The following TGFB1I1 variants were observed in gnomAD, a reference collection of about 807,000 sequenced individuals.
TGFB1I1 encodes the protein transforming growth factor beta-1-induced transcript 1 protein.
Under a neutral mutation model 52.0 loss-of-function variants are expected in TGFB1I1, and 33 were observed. The observed-to-expected ratio is 0.63, with a 90% CI of 0.48 to 0.85. TGFB1I1 has a LOEUF of 0.85. TGFB1I1 is among the 40% of genes least tolerant of loss of function. The pLI, the probability that TGFB1I1 is intolerant of heterozygous loss-of-function variation, is 0.00. For synonymous variants in TGFB1I1, 236 were observed against 253.3 expected, an observed-to-expected ratio of 0.93 and a Z score of 0.65; for missense variants, 577 against 614.9, an observed-to-expected ratio of 0.94 and a Z score of 0.65.
chr16:31,476,661 C>T lies in TGFB1I1; in HGVS notation c.970+99C>T. ...CGGAGTCCTCAGGGCCATGGTTTTC[C>T]TTCTGCTCTCTTCTGGCCCTGCCCT... is the stretch of plus-strand genomic sequence containing the variant. On this transcript the variant is annotated intron_variant, in intron 9 of 10. Coordinates refer to ENST00000394863, the MANE Select transcript of TGFB1I1 (RefSeq NM_001042454.3). The surrounding 1 kb of genome is among the most constrained non-coding windows in gnomAD (Gnocchi z 7.6). The T allele has an allele frequency of 1.4e-6, 2 of 1,443,178 alleles. No individual in the cohort carries two copies. The highest frequency in any genetic ancestry group is 2.0e-5 in the Admixed American group (1 of 49,844). The allele number at this position is 1,443,178 out of a possible 1,614,324, so 89.4% of individuals were successfully genotyped here.
rs1187361623 is a variant in TGFB1I1 at position 31,477,241 on chromosome 16, C to A, written c.1120-69C>A. ...CTGCGGGGTCCCAGGGCGTTATCCG[C>A]TAGTAACGCGCGTTGTCTGGCAGTG... On this transcript the variant is annotated intron_variant, in intron 10 of 10. Coordinates refer to ENST00000394863, the MANE Select transcript of TGFB1I1 (RefSeq NM_001042454.3). This position sits in a 1 kb window ranked among gnomAD's most constrained non-coding sequence, Gnocchi z 4.7. 6.5e-7 allele frequency: 1 copy of A among 1,545,366 alleles called. No individual in the cohort carries two copies. Among genetic ancestry groups the A allele is most frequent in the East Asian group, 2.3e-5 (1 of 43,934 alleles).
At chr16:31,473,270 T>A in intron 1 of TGFB1I1, 171 bp from the exon 2 acceptor site, 1 of 1,418,852 alleles carries the variant, frequency 7.0e-7, no homozygotes, top group South Asian at 1.5e-5. Context: ...TGGGATATTC[T>A]GGTCATAAAT....
chr16:31,476,018 A>T lies in TGFB1I1; in HGVS notation c.721A>T (p.Thr241Ser). 1 of 1,611,698 alleles carries T rather than the reference A, an allele frequency of 6.2e-7. No individual in the cohort carries two copies. Among genetic ancestry groups the T allele is most frequent in the South Asian group, 1.1e-5 (1 of 91,034 alleles). The change falls in exon 8 of 11, where the codon ACG (threonine) becomes TCG (serine). Residue 241 changes from threonine to serine, a missense_variant. This residue lies in a region of TGFB1I1 where 456 missense variants were observed against 461.6 expected (regional missense o/e 0.99). Transcript: ENST00000394863. This position sits in a 1 kb window ranked among gnomAD's most constrained non-coding sequence, Gnocchi z 7.6. ...CCTCACCTCCCACTCGCAGGTGGTG[A>T]CGGCTCTGGGCCGCGCCTGGCACCC... ...CNKPIAGQVV[T>S]ALGRAWHPEH...
chr16:31,476,219 A>T lies in TGFB1I1; in HGVS notation c.888+34A>T, dbSNP rs541456002. On this transcript the variant is annotated intron_variant, in intron 8 of 10. Coordinates refer to ENST00000394863, the MANE Select transcript of TGFB1I1 (RefSeq NM_001042454.3). This position sits in a 1 kb window ranked among gnomAD's most constrained non-coding sequence, Gnocchi z 7.6. ...CGCCCGGCCGCACCGAGCCCGCCCT[A>T]TCTCACCAGGAGAGCTGTGGGACGG... The T allele has an allele frequency of 1.3e-6, 2 of 1,598,902 alleles. No homozygotes were observed. The highest frequency in any genetic ancestry group is 2.2e-5 in the South Asian group (2 of 89,826).
chr16:31,473,841 A>G lies in TGFB1I1; in HGVS notation c.189A>G (p.Val63=). ...CTCCCACTCTGCTTCCCAGCACGGTATGCAAGCCTCGGTCCCCAAAGCCTG... is the reference window on the plus strand; with the variant it reads ...CTCCCACTCTGCTTCCCAGCACGGTGTGCAAGCCTCGGTCCCCAAAGCCTG... The part of the protein sequence containing the change: ...SGDKDHLYST[V]CKPRSPKPAA... The change falls in exon 4 of 11, where the codon GTA becomes GTG. Residue 63 remains valine (V), a synonymous_variant. Transcript: ENST00000394863. 2 of 1,614,110 alleles carry G rather than the reference A, an allele frequency of 1.2e-6. No homozygotes were observed. The highest frequency in any genetic ancestry group is 1.7e-6 in the Non-Finnish European group (2 of 1,180,008).
Position 31,477,679 on chromosome 16 carries a change from A to C in TGFB1I1, c.*103A>C. ...GCTCTCAGAGCGGGAGGCCCCACCCACTGGAGAGCCCCGCCCCTAAGGTAC... is the reference window on the plus strand; with the variant it reads ...GCTCTCAGAGCGGGAGGCCCCACCCCCTGGAGAGCCCCGCCCCTAAGGTAC... On this transcript the variant is annotated 3_prime_UTR_variant, in exon 11 of 11. Transcript: ENST00000394863. This position sits in a 1 kb window ranked among gnomAD's most constrained non-coding sequence, Gnocchi z 4.7. 2 of 1,405,510 alleles carry C rather than the reference A, an allele frequency of 1.4e-6. No homozygotes were observed. The highest frequency in any genetic ancestry group is 1.9e-6 in the Non-Finnish European group (2 of 1,066,044). The allele number at this position is 1,405,510 out of a possible 1,614,324, so 87.1% of individuals were successfully genotyped here. A position where few individuals can be genotyped will look rare whatever the true frequency, so the allele number is the denominator to read the frequency against.
Position 31,477,753 on chromosome 16 carries a change from C to T in TGFB1I1, c.*177C>T. 1.3e-6 allele frequency: 1 copy of T among 781,462 alleles called. No individual in the cohort carries two copies. Among genetic ancestry groups the T allele is most frequent in the Non-Finnish European group, 2.0e-6 (1 of 509,040 alleles). 48.4% of individuals were successfully genotyped at this position (781,462 alleles called of 1,614,324 possible). A position where few individuals can be genotyped will look rare whatever the true frequency, so the allele number is the denominator to read the frequency against. On this transcript the variant is annotated 3_prime_UTR_variant, in exon 11 of 11. Coordinates refer to ENST00000394863, the MANE Select transcript of TGFB1I1 (RefSeq NM_001042454.3). The surrounding 1 kb of genome is among the most constrained non-coding windows in gnomAD (Gnocchi z 4.7). ...CAGAAACGGCCCAGCCAGACCTAAA[C>T]CCACACGCCCACAAAGTGGATTGCA...
In TGFB1I1 at chr16:31,474,838, CT is replaced by C; in HGVS notation, c.714+85del. ...TGAGAGCTGGGCTTTATGCTGTTCCCTTTTAGTAAGTTAATCTGGGAAGTGG... is the reference window on the plus strand; with the variant it reads ...TGAGAGCTGGGCTTTATGCTGTTCCCTTTAGTAAGTTAATCTGGGAAGTGG... On this transcript the variant is annotated intron_variant, in intron 7 of 10. Coordinates refer to ENST00000394863, the MANE Select transcript of TGFB1I1 (RefSeq NM_001042454.3). The surrounding 1 kb of genome is among the most constrained non-coding windows in gnomAD (Gnocchi z 4.2). The C allele has an allele frequency of 1.5e-6, 2 of 1,345,734 alleles. No individual in the cohort carries two copies. The highest frequency in any genetic ancestry group is 2.0e-6 in the Non-Finnish European group (2 of 977,986). 83.4% of individuals were successfully genotyped at this position (1,345,734 alleles called of 1,614,324 possible).
Position 31,474,335 on chromosome 16 carries a change from G to A in TGFB1I1, c.414-15G>A, listed in dbSNP as rs189828868. On this transcript the variant is annotated splice_polypyrimidine_tract_variant and intron_variant, in intron 5 of 10. Transcript: ENST00000394863. This position sits in a 1 kb window ranked among gnomAD's most constrained non-coding sequence, Gnocchi z 4.2. ...TCTGGGAGGCTCTGAGATGACACAA[G>A]CATGTTCTTCACAGCCCTTCCAGCC... is the stretch of plus-strand genomic sequence containing the variant. The A allele has an allele frequency of 6.2e-6, 10 of 1,614,062 alleles. No individual in the cohort carries two copies. In the East Asian group the frequency reaches 1.6e-4, roughly 25 times the overall value.
Position 31,473,936 on chromosome 16 carries a change from G to C in TGFB1I1, c.284G>C (p.Arg95Pro). Residue 95 changes from arginine to proline, a missense_variant, in exon 4 of 11, where the codon CGG becomes CCG. Transcript: ENST00000394863. ...GGTACCGGGCTCTGTGAGCTAGATCGGTTGCTTCAGGAACTTAATGCCACT... is the reference window on the plus strand; with the variant it reads ...GGTACCGGGCTCTGTGAGCTAGATCCGTTGCTTCAGGAACTTAATGCCACT... ...VLGTGLCELD[R>P]LLQELNATQF... The C allele has an allele frequency of 6.2e-7, 1 of 1,614,104 alleles. No individual in the cohort carries two copies. The highest frequency in any genetic ancestry group is 2.2e-5 in the East Asian group (1 of 44,886).
Position 31,473,869 on chromosome 16 carries a change from G to A in TGFB1I1, c.217G>A (p.Ala73Thr), listed in dbSNP as rs375566928. The change falls in exon 4 of 11, where the codon GCC becomes ACC. Residue 73 changes from alanine (A) to threonine (T), a missense_variant. This residue lies in a region of TGFB1I1 where 113 missense variants were observed against 123.9 expected (regional missense o/e 0.91). Transcript: ENST00000394863. The part of the protein sequence containing the change: ...VCKPRSPKPA[A>T]PAAPPFSSSS... ...CAAGCCTCGGTCCCCAAAGCCTGCA[G>A]CCCCGGCGGCCCCTCCATTCTCCTC... The A allele has an allele frequency of 5.3e-5, 85 of 1,614,010 alleles. No individual in the cohort carries two copies. Among genetic ancestry groups the A allele is most frequent in the Middle Eastern group, 1.6e-4 (1 of 6,084 alleles).
rs1409522082 is a variant in TGFB1I1, at chr16:31,477,681, T to C, written c.*105T>C. ...TCTCAGAGCGGGAGGCCCCACCCAC[T>C]GGAGAGCCCCGCCCCTAAGGTACTA... On this transcript the variant is annotated 3_prime_UTR_variant, in exon 11 of 11. Coordinates refer to ENST00000394863, the MANE Select transcript of TGFB1I1 (RefSeq NM_001042454.3). The surrounding 1 kb of genome is among the most constrained non-coding windows in gnomAD (Gnocchi z 4.7). The C allele has an allele frequency of 2.9e-6, 4 of 1,400,684 alleles. No homozygotes were observed. The Admixed American group carries it at 1.1e-4, about 37-fold the overall frequency. 86.8% of individuals were successfully genotyped at this position (1,400,684 alleles called of 1,614,324 possible). A position where few individuals can be genotyped will look rare whatever the true frequency, so the allele number is the denominator to read the frequency against.
Position 31,477,318 on chromosome 16 carries a change from C to T in TGFB1I1, c.1128C>T (p.Phe376=). The T allele has an allele frequency of 6.2e-7, 1 of 1,607,428 alleles. No individual in the cohort carries two copies. The highest frequency in any genetic ancestry group is 2.2e-5 in the East Asian group (1 of 44,728). The stretch of plus-strand genomic sequence containing the variant: ...CGGCTTCCCTTCCCCAGGAATGCTT[C>T]GCGCCCTTCTCGGGAGGCAGCTTTT... ...HPDCFVCREC[F]APFSGGSFFE... is the part of the protein sequence containing the mutation. Residue 376 remains phenylalanine (F), a synonymous_variant, in exon 11 of 11, where the codon TTC becomes TTT. Transcript: ENST00000394863. The surrounding 1 kb of genome is among the most constrained non-coding windows in gnomAD (Gnocchi z 4.7).
chr16:31,474,691 C>G lies in TGFB1I1; in HGVS notation c.648C>G (p.Ser216Arg). 6.2e-7 allele frequency: 1 copy of G among 1,613,042 alleles called. No homozygotes were observed. The highest frequency in any genetic ancestry group is 8.5e-7 in the Non-Finnish European group (1 of 1,179,758). Residue 216 changes from serine (S) to arginine (R), a missense_variant, in exon 7 of 11, where the codon AGC becomes AGG. Physicochemically the swap from Ser to Arg is moderately radical, Grantham distance 110. Around this residue, in one of 3 missense-constraint regions of TGFB1I1, gnomAD observed 456 missense variants for 461.6 expected, o/e 0.99. Coordinates refer to ENST00000394863, the MANE Select transcript of TGFB1I1 (RefSeq NM_001042454.3). This position sits in a 1 kb window ranked among gnomAD's most constrained non-coding sequence, Gnocchi z 4.2. Reference protein sequence around the residue: ...TMLGLLQSDLSRRGVPTQAKG... With the variant: ...TMLGLLQSDLRRRGVPTQAKG... ...TGGGGCTGCTGCAGTCCGACCTCAG[C>G]CGCCGGGGTGTTCCCACCCAGGCCA...
chr16:31,476,576 C>G lies in TGFB1I1; in HGVS notation c.970+14C>G, dbSNP rs1275970168. ...TCGGAGATGAGGGTGAGAGTGAACT[C>G]GACTCCCATCTTAAAAGCTGCGGGT... On this transcript the variant is annotated intron_variant, in intron 9 of 10. Transcript: ENST00000394863. The surrounding 1 kb of genome is among the most constrained non-coding windows in gnomAD (Gnocchi z 7.6). 1.2e-5 allele frequency: 20 copies of G among 1,609,734 alleles called. No homozygotes were observed. The highest frequency in any genetic ancestry group is 1.7e-5 in the Non-Finnish European group (20 of 1,178,444).
intron 2 of TGFB1I1, 28 bp downstream of exon 2, chr16:31,473,584 A>T: frequency 6.2e-7 from 1 of 1,612,922 alleles, no homozygotes; most frequent in Non-Finnish European, 8.5e-7. Flanking sequence ...GGACTGGGGC[A>T]GCCACTAGGG....
At position 31,476,438 on chromosome 16, in the gene TGFB1I1, G is replaced by A. The variant is rs201520611; in HGVS notation, c.889-43G>A. On this transcript the variant is annotated intron_variant, in intron 8 of 10. Coordinates refer to ENST00000394863, the MANE Select transcript of TGFB1I1 (RefSeq NM_001042454.3). This position sits in a 1 kb window ranked among gnomAD's most constrained non-coding sequence, Gnocchi z 7.6. ...GGTTCCGCGCGGGAGAGGAAGGCGCGAAGGCACGGAGGCCGCGCTGAGTGC... is the reference window on the plus strand; with the variant it reads ...GGTTCCGCGCGGGAGAGGAAGGCGCAAAGGCACGGAGGCCGCGCTGAGTGC... 1.3e-6 allele frequency: 2 copies of A among 1,583,526 alleles called. No homozygotes were observed. The highest frequency in any genetic ancestry group is 1.8e-5 in the Admixed American group (1 of 55,904).
In TGFB1I1 at chr16:31,476,441, G is replaced by T. The variant is rs754351640; in HGVS notation, c.889-40G>T. ...TCCGCGCGGGAGAGGAAGGCGCGAA[G>T]GCACGGAGGCCGCGCTGAGTGCCCT... On this transcript the variant is annotated intron_variant, in intron 8 of 10. Transcript: ENST00000394863. This position sits in a 1 kb window ranked among gnomAD's most constrained non-coding sequence, Gnocchi z 7.6. The T allele has an allele frequency of 8.2e-6, 13 of 1,586,286 alleles. No homozygotes were observed. Among genetic ancestry groups the T allele is most frequent in the Non-Finnish European group, 1.1e-5 (13 of 1,163,596 alleles).
chr16:31,477,424 G>A lies in TGFB1I1; in HGVS notation c.1234G>A (p.Val412Met), dbSNP rs1346089998. The A allele has an allele frequency of 6.2e-7, 1 of 1,603,182 alleles. No individual in the cohort carries two copies. The highest frequency in any genetic ancestry group is 8.5e-7 in the Non-Finnish European group (1 of 1,175,574). The stretch of plus-strand genomic sequence containing the variant: ...GCTGTGCGCCACGTGTGGCCTCCCT[G>A]TGACCGGCCGCTGCGTGTCGGCCCT... ...GSLCATCGLP[V>M]TGRCVSALGR... Residue 412 changes from valine (V) to methionine (M), a missense_variant, in exon 11 of 11, where the codon GTG (valine) becomes ATG (methionine). Val to Met is a conservative substitution (Grantham distance 21). Coordinates refer to ENST00000394863, the MANE Select transcript of TGFB1I1 (RefSeq NM_001042454.3). This position sits in a 1 kb window ranked among gnomAD's most constrained non-coding sequence, Gnocchi z 4.7.
Sources: gnomAD v4.1 joint callset for allele counts on GRCh38, gnomAD v4.1.1 for gene constraint, gnomAD v4.1.1 regional missense constraint, Gnocchi (gnomAD v3.1) non-coding constraint, MANE v1.5 for transcripts, NCBI Gene and HGNC (gene_info 2026-07-23, HGNC 2026-07-21) for gene names.